Variants in PTPRN2 observed in about 807,000 individuals in gnomAD.
PTPRN2 encodes receptor-type tyrosine-protein phosphatase N2.
PTPRN2 carries 74 observed loss-of-function variants against 118.8 expected under a neutral mutation model. That is an observed-to-expected ratio of 0.62 (90% confidence interval 0.52 to 0.76). The LOEUF is 0.76. Ranked by LOEUF, PTPRN2 falls within the 30% of genes least tolerant of loss-of-function variation. PTPRN2 has a pLI of 0.00. For synonymous variants in PTPRN2, 641 were observed against 608.0 expected, an observed-to-expected ratio of 1.05 and a Z score of -0.80; for missense variants, 1,481 against 1,394.4, an observed-to-expected ratio of 1.06 and a Z score of -0.99.
At chr7:158,404,517 G>A (rs1413311317) in intron 2 of PTPRN2, among the ~76,000 whole-genome samples, 2 of 152,108 alleles carry the variant, frequency 1.3e-5, no homozygotes, top group African/African-American at 4.8e-5. Flanking sequence ...GCTCCCCAGG[G>A]GACGTGGCTT....
At chr7:158,432,462 G>A (rs1816289925) in intron 2 of PTPRN2, among the ~76,000 whole-genome samples, 1 of 152,158 alleles carries the variant, frequency 6.6e-6, no homozygotes, top group South Asian at 2.1e-4. Context: ...GGAGGGGGAG[G>A]GTGCAAGCTC....
chr7:157,950,080 A>T lies in PTPRN2; in HGVS notation c.1724-51343T>A, dbSNP rs563643793. On this transcript the variant is annotated intron_variant, in intron 11 of 22. Coordinates refer to ENST00000389418, the MANE Select transcript of PTPRN2 (RefSeq NM_002847.5). Reference sequence around the variant, plus strand: ...AAAAAATATCTTGGTAAAAAAATTTAAAATAAAACTTTAAAGTTTGTGTTA... The same window carrying T: ...AAAAAATATCTTGGTAAAAAAATTTTAAATAAAACTTTAAAGTTTGTGTTA... 2.5e-3 allele frequency among the ~76,000 whole-genome samples: 374 copies of T among 152,382 alleles called. 3 individuals are homozygous for T. Among genetic ancestry groups the T allele is most frequent in the African/African-American group, 8.2e-3 (339 of 41,586 alleles).
chr7:157,653,970 C>T (rs1305428571), intron 14 of PTPRN2, among the ~76,000 whole-genome samples: 85 of 129,522 alleles, frequency 6.6e-4, no homozygotes, highest in African/African-American at 2.5e-3. Context: ...ACACCCACCC[C>T]GACTCCACAC....
At position 158,151,737 on chromosome 7, in the gene PTPRN2, C is replaced by A. The variant is rs542052362; in HGVS notation, c.911-13222G>T. Reference sequence around the variant, plus strand: ...CCCTCCCTCCCTTGCTAGCTGCATTCTTTCCTTCCTTCCTGCCACAAATAT... The same window carrying A: ...CCCTCCCTCCCTTGCTAGCTGCATTATTTCCTTCCTTCCTGCCACAAATAT... On this transcript the variant is annotated intron_variant, in intron 6 of 22. Coordinates refer to ENST00000389418, the MANE Select transcript of PTPRN2 (RefSeq NM_002847.5). Among the ~76,000 whole-genome samples the A allele has an allele frequency of 1.3e-4, 20 of 152,228 alleles. No individual in the cohort carries two copies. The East Asian group carries it at 2.9e-3, about 22-fold the overall frequency.
At chr7:157,940,344 G>A (rs76100699) in intron 11 of PTPRN2, among the ~76,000 whole-genome samples, 17,989 of 152,124 alleles carry the variant, frequency 0.12, 1,159 homozygotes, top group Middle Eastern at 0.18. Context: ...GTGCCATCAA[G>A]AGGCAAAGTT....
At chr7:157,946,151 A>T (rs562433723) in intron 11 of PTPRN2, among the ~76,000 whole-genome samples, 1 of 152,194 alleles carries the variant, frequency 6.6e-6, no homozygotes, top group Admixed American at 6.5e-5. Flanking sequence ...GTGAGGCAGG[A>T]TAATACGGTC....
Position 157,775,577 on chromosome 7 carries a change from G to C in PTPRN2, c.1789-92640C>G, listed in dbSNP as rs184509333. 2.0e-4 allele frequency among the ~76,000 whole-genome samples: 31 copies of C among 152,292 alleles called. No individual in the cohort carries two copies. In the East Asian group the frequency reaches 5.3e-3, roughly 26 times the overall value. On this transcript the variant is annotated intron_variant, in intron 12 of 22. Transcript: ENST00000389418. ...ATGGGGACACAGCAGCGCTGGGAAG[G>C]CTTCGTCCTCGGGAGCCGGCGCTCA...
chr7:158,243,914 G>A (rs898059296), intron 3 of PTPRN2, among the ~76,000 whole-genome samples: 1 of 152,108 alleles, frequency 6.6e-6, no homozygotes, highest in African/African-American at 2.4e-5. Context: ...TACCTCCTAA[G>A]TAGCAGTCTT....
chr7:157,908,372 T>G (rs1797897935), intron 11 of PTPRN2, among the ~76,000 whole-genome samples: 1 of 152,236 alleles, frequency 6.6e-6, no homozygotes, highest in Non-Finnish European at 1.5e-5. Flanking sequence ...GAGGGAGGTT[T>G]GAAGAGCAGA....
chr7:158,184,149 T>TA (rs1824948488), intron 5 of PTPRN2, among the ~76,000 whole-genome samples: 2 of 152,180 alleles, frequency 1.3e-5, no homozygotes, highest in Admixed American at 1.3e-4. Flanking sequence ...GACAAAGTTC[T>TA]AGTTATCAAT....
In PTPRN2 at chr7:157,613,938, C is replaced by T. The variant is rs951619198; in HGVS notation, c.2344+7424G>A. On this transcript the variant is annotated intron_variant, in intron 15 of 22. Transcript: ENST00000389418. ...CTCGAGCCCCTTACAGGCCACATGG[C>T]CAGGGGCGACCCTCCCGTCACAACT... The T allele has an allele frequency of 6.7e-6, 3 of 449,442 alleles. 1 individual carries two copies. The highest frequency in any genetic ancestry group is 5.0e-5 in the South Asian group (3 of 60,296). The allele number at this position is 449,442 out of a possible 1,614,324, so 27.8% of individuals were successfully genotyped here.
At chr7:158,150,043 G>A (rs537580036) in intron 6 of PTPRN2, among the ~76,000 whole-genome samples, 1 of 152,186 alleles carries the variant, frequency 6.6e-6, no homozygotes, top group Non-Finnish European at 1.5e-5. Context: ...GGCATCAAGG[G>A]CATGAATGAT....
intron 4 of PTPRN2, among the ~76,000 whole-genome samples, chr7:158,200,912 G>A (rs565202887): frequency 1.6e-3 from 239 of 152,182 alleles, no homozygotes; most frequent in African/African-American, 5.4e-3. Flanking sequence ...AATTATTTAT[G>A]TGATTTCATT....
At chr7:157,634,810 G>A (rs1804208691) in intron 14 of PTPRN2, among the ~76,000 whole-genome samples, 1 of 152,190 alleles carries the variant, frequency 6.6e-6, no homozygotes, top group South Asian at 2.1e-4. Flanking sequence ...CTGAAACCAG[G>A]GAGACAGCAA....
intron 1 of PTPRN2, among the ~76,000 whole-genome samples, chr7:158,493,167 AT>A (rs1821584413): frequency 6.6e-6 from 1 of 152,210 alleles, no homozygotes; most frequent in African/African-American, 2.4e-5. Flanking sequence ...CTCACTCTGT[AT>A]TCACAGGGTA....
rs542773087 is a variant in PTPRN2, at chr7:157,982,698, T to C, written c.1724-83961A>G. On this transcript the variant is annotated intron_variant, in intron 11 of 22. Coordinates refer to ENST00000389418, the MANE Select transcript of PTPRN2 (RefSeq NM_002847.5). ...CCCGAGTCACAGAGATGGAGGGGAA[T>C]GCAGAGTACCGGGTTCCCCCCTAAA... Among the ~76,000 whole-genome samples the C allele has an allele frequency of 4.1e-5, 4 of 98,186 alleles. 1 individual carries two copies. In the South Asian group the frequency reaches 1.4e-3, roughly 35 times the overall value. The allele number at this position is 98,186 out of a possible 152,430, so 64.4% of individuals were successfully genotyped here.
intron 2 of PTPRN2, among the ~76,000 whole-genome samples, chr7:158,359,734 G>C (rs1808699792): frequency 6.6e-6 from 1 of 152,180 alleles, no homozygotes; most frequent in African/African-American, 2.4e-5. Flanking sequence ...TGTTGTCGAT[G>C]AACGGATAAT....
chr7:158,146,941 T>A (rs1585617336), intron 6 of PTPRN2, among the ~76,000 whole-genome samples: 1 of 147,764 alleles, frequency 6.8e-6, no homozygotes, highest in Non-Finnish European at 1.5e-5. Flanking sequence ...ACGCCACGTG[T>A]CTTTCCCCCT....
intron 9 of PTPRN2, among the ~76,000 whole-genome samples, chr7:158,121,547 G>A (rs1052029789): frequency 2.6e-5 from 4 of 152,158 alleles, no homozygotes; most frequent in African/African-American, 9.7e-5. Flanking sequence ...AATTCCATGA[G>A]TCTCCTTTTC....
Sources: gnomAD v4.1 joint callset for allele counts (sites outside exome capture counted in the v4.1 genomes callset) on GRCh38, gnomAD v4.1.1 for gene constraint, MANE v1.5 for transcripts, NCBI Gene and HGNC (gene_info 2026-07-23, HGNC 2026-07-21) for gene names.